The following CFAP251 variants were observed in gnomAD, a reference collection of about 807,000 sequenced individuals.
The protein encoded by CFAP251 is cilia and flagella associated protein 251.
Under a neutral mutation model 126.7 loss-of-function variants are expected in CFAP251, and 93 were observed. The observed-to-expected ratio is 0.73, with a 90% CI of 0.62 to 0.87. The LOEUF is 0.87. Among genes scored for constraint, CFAP251 ranks in the 40% least tolerant of loss-of-function variants. The pLI, the probability that CFAP251 is intolerant of heterozygous loss-of-function variation, is 0.00. For synonymous variants in CFAP251, 503 were observed against 506.9 expected, an observed-to-expected ratio of 0.99 and a Z score of 0.10; for missense variants, 1,287 against 1,389.2, an observed-to-expected ratio of 0.93 and a Z score of 1.17.
chr12:121,920,040 T>A (rs1263732698), intron 1 of CFAP251, among the ~76,000 whole-genome samples: 1 of 151,556 alleles, frequency 6.6e-6, no homozygotes, highest in Non-Finnish European at 1.5e-5. Flanking sequence ...AAAAATTAGC[T>A]GGGTGTGGTG....
intron 5 of CFAP251, 98 bp from the exon 6 acceptor site, chr12:121,942,436 T>G: frequency 1.4e-6 from 1 of 719,454 alleles, no homozygotes; most frequent in Non-Finnish European, 2.4e-6. Context: ...TTTTGTTCTG[T>G]TTTGGAGAGG....
rs759604272 is a variant in CFAP251, at chr12:121,999,828, C to G, written c.3119C>G (p.Pro1040Arg). 5.0e-6 allele frequency: 8 copies of G among 1,614,154 alleles called. No individual in the cohort carries two copies. The East Asian group carries it at 1.6e-4, about 31-fold the overall frequency. Residue 1040 changes from proline (P) to arginine (R), a missense_variant, in exon 20 of 22, where the codon CCT becomes CGT. Transcript: ENST00000288912. ...FLKVYLNHKP[P>R]FGNTMSGIHK... is the part of the protein sequence containing the mutation. ...AAAGTGTACCTTAACCACAAGCCAC[C>G]TTTTGGTAACACCATGAGTGGCATC...
chr12:121,990,682 T>C (rs182448787), intron 19 of CFAP251, among the ~76,000 whole-genome samples: 54 of 152,324 alleles, frequency 3.5e-4, no homozygotes, highest in African/African-American at 1.3e-3. Context: ...AGAGCCACGG[T>C]AGCCAACCTT....
At chr12:121,945,079 G>A (rs1159736325) in intron 7 of CFAP251, among the ~76,000 whole-genome samples, 2 of 152,112 alleles carry the variant, frequency 1.3e-5, no homozygotes, top group Non-Finnish European at 2.9e-5. Context: ...CACCACACCT[G>A]GCCCTCTTCT....
intron 3 of CFAP251, among the ~76,000 whole-genome samples, chr12:121,928,658 G>GTA (rs1259216748): frequency 3.0e-4 from 8 of 26,742 alleles, no homozygotes; most frequent in East Asian, 1.1e-3. Flanking sequence ...ATATATATAC[G>GTA]TATATATATA....
Position 121,972,794 on chromosome 12 carries a change from G to A in CFAP251, c.2772-2450G>A, listed in dbSNP as rs567202727. Among the ~76,000 whole-genome samples the A allele has an allele frequency of 1.7e-4, 26 of 152,240 alleles. No homozygotes were observed. In the East Asian group the frequency reaches 3.3e-3, roughly 19 times the overall value. On this transcript the variant is annotated intron_variant, in intron 17 of 21. Coordinates refer to ENST00000288912, the MANE Select transcript of CFAP251 (RefSeq NM_144668.6). Reference sequence around the variant, plus strand: ...TGAGCTACCGCGCCTGGCCTCTGGCGGAAGAAATTTCTAAGCAGCAAAGCA... The same window carrying A: ...TGAGCTACCGCGCCTGGCCTCTGGCAGAAGAAATTTCTAAGCAGCAAAGCA...
chr12:121,988,131 A>G (rs1882794081), intron 19 of CFAP251, among the ~76,000 whole-genome samples: 1 of 151,988 alleles, frequency 6.6e-6, no homozygotes, highest in Admixed American at 6.5e-5. Flanking sequence ...TTTTAAAAAT[A>G]TTTCAAAAAT....
intron 3 of CFAP251, 124 bp from the exon 4 acceptor site, chr12:121,931,622 C>T: frequency 2.0e-6 from 2 of 1,004,772 alleles, no homozygotes; most frequent in Non-Finnish European, 1.3e-6. Context: ...TGAGGACTTT[C>T]TTAAAGTGGT....
chr12:121,993,058 G>A (rs1294270396), intron 19 of CFAP251, among the ~76,000 whole-genome samples: 3 of 140,248 alleles, frequency 2.1e-5, no homozygotes, highest in East Asian at 2.1e-4. Context: ...CTGCCATCTC[G>A]GCTCACTGCA....
chr12:121,941,330 CTTTTTTTTTTTTT>C (rs68005842), intron 5 of CFAP251, among the ~76,000 whole-genome samples: 1 of 87,708 alleles, frequency 1.1e-5, no homozygotes, highest in Non-Finnish European at 2.1e-5. Context: ...CCATGCTGGC[CTTTTTTTTTTTTT>C]TTTTTTTTGA....
intron 17 of CFAP251, among the ~76,000 whole-genome samples, chr12:121,973,850 A>C (rs1205283736): frequency 6.6e-6 from 1 of 152,162 alleles, no homozygotes; most frequent in Non-Finnish European, 1.5e-5. Context: ...TTTTACAGGC[A>C]GAAGGGACTT....
At position 121,974,150 on chromosome 12, in the gene CFAP251, A is replaced by T. The variant is rs192972746; in HGVS notation, c.2772-1094A>T. ...CATGGTAGTGAATAAGTCTCATGAG[A>T]TCTGATGGTTTGATAAGGGGAAACC... On this transcript the variant is annotated intron_variant, in intron 17 of 21. Coordinates refer to ENST00000288912, the MANE Select transcript of CFAP251 (RefSeq NM_144668.6). This position sits in a 1 kb window ranked among gnomAD's most constrained non-coding sequence, Gnocchi z 4.6. Among the ~76,000 whole-genome samples, 1 of 152,018 alleles carries T rather than the reference A, an allele frequency of 6.6e-6. No homozygotes were observed. Among genetic ancestry groups the T allele is most frequent in the Admixed American group, 6.5e-5 (1 of 15,268 alleles).
chr12:121,975,697 G>A lies in CFAP251; in HGVS notation c.3006+12G>A, dbSNP rs200608611. 144 of 1,550,052 alleles carry A rather than the reference G, an allele frequency of 9.3e-5. No homozygotes were observed. The Middle Eastern group carries it at 3.4e-3, about 37-fold the overall frequency. On this transcript the variant is annotated intron_variant, in intron 19 of 21. Transcript: ENST00000288912. ...CATCTGAAGAGAAGGTAGGGAGAAC[G>A]AAAACAAGAGCAGCAACGGGATGTG...
chr12:121,958,484 A>G lies in CFAP251; in HGVS notation c.1943A>G (p.Lys648Arg), dbSNP rs1050412142. 1.2e-6 allele frequency: 2 copies of G among 1,614,120 alleles called. No homozygotes were observed. Among genetic ancestry groups the G allele is most frequent in the Non-Finnish European group, 8.5e-7 (1 of 1,180,040 alleles). ...KQYLFSRVFE[K>R]GLGVQSLTYN... is the part of the protein sequence containing the mutation. ...TATCTTTTCAGCAGGGTTTTTGAGA[A>G]GGGGCTTGGAGTCCAGAGTCTGACC... The change falls in exon 12 of 22, where the codon AAG (lysine) becomes AGG (arginine). Residue 648 changes from lysine (K) to arginine (R), a missense_variant. By Grantham distance (26) the Lys-to-Arg change is conservative (BLOSUM62 2). Transcript: ENST00000288912.
intron 17 of CFAP251, chr12:121,970,016 A>G: frequency 1.1e-6 from 1 of 951,062 alleles, no homozygotes; most frequent in Non-Finnish European, 1.3e-6. Flanking sequence ...AATGGAGAGA[A>G]ATGTAAAAAA....
At chr12:121,954,927 A>T (rs558220094) in intron 10 of CFAP251, among the ~76,000 whole-genome samples, 9 of 152,302 alleles carry the variant, frequency 5.9e-5, no homozygotes, top group South Asian at 2.1e-4. Flanking sequence ...TGCTAATTGG[A>T]TGGATTTTGC....
chr12:121,969,770 C>T (rs1031130871), intron 17 of CFAP251: 2 of 985,304 alleles, frequency 2.0e-6, no homozygotes, highest in African/African-American at 3.5e-5. Context: ...AGCCACTGCA[C>T]CCAGCTAGAA....
chr12:121,988,252 C>T (rs759892107), intron 19 of CFAP251, among the ~76,000 whole-genome samples: 67 of 152,094 alleles, frequency 4.4e-4, no homozygotes, highest in Non-Finnish European at 3.2e-4. Flanking sequence ...ATACCACATA[C>T]CACGTAATTC....
At chr12:121,930,876 G>A (rs1004943256) in intron 3 of CFAP251, among the ~76,000 whole-genome samples, 16 of 151,530 alleles carry the variant, frequency 1.1e-4, no homozygotes, top group Admixed American at 5.3e-4. Flanking sequence ...AGCCTCCTGA[G>A]TAGCTGGGAG....
Sources: allele counts gnomAD v4.1 joint callset (sites outside exome capture counted in the v4.1 genomes callset), GRCh38; gene constraint gnomAD v4.1.1; non-coding constraint Gnocchi (gnomAD v3.1); transcripts MANE v1.5; gene names NCBI Gene and HGNC (gene_info 2026-07-23, HGNC 2026-07-21).